FIRRM: variants seen among roughly 807,000 people sequenced by gnomAD.
FIRRM encodes FIGNL1-interacting regulator of recombination and mitosis.
the FIRRM span, among the ~76,000 whole-genome samples, chr1:169,835,137 G>A: frequency 1.3e-5 from 2 of 152,068 alleles, no homozygotes; most frequent in African/African-American, 4.8e-5. Context: ...CATACAAGAT[G>A]GTGTCTTTTT....
the FIRRM span, among the ~76,000 whole-genome samples, chr1:169,785,717 C>A: frequency 6.6e-6 from 1 of 152,060 alleles, no homozygotes; most frequent in Admixed American, 6.6e-5. Context: ...CAAAAGGGAA[C>A]TTTTTAGGTG....
the FIRRM span, among the ~76,000 whole-genome samples, chr1:169,797,510 GGAAT>G: frequency 1.3e-5 from 2 of 152,156 alleles, no homozygotes; most frequent in Non-Finnish European, 2.9e-5. Context: ...TTTCGGAAGA[GGAAT>G]GAATTCTTGT....
At chr1:169,801,682 A>G in the FIRRM span, among the ~76,000 whole-genome samples, 2 of 151,640 alleles carry the variant, frequency 1.3e-5, no homozygotes, top group Non-Finnish European at 2.9e-5. Context: ...AGAATACATT[A>G]TTACATTTTA....
the FIRRM span, chr1:169,827,313 C>A: frequency 3.3e-6 from 3 of 899,108 alleles, no homozygotes; most frequent in Non-Finnish European, 3.3e-6. Context: ...GTTTCTTTTA[C>A]TTTCTTTTCT....
the FIRRM span, chr1:169,847,818 C>A: frequency 6.7e-7 from 1 of 1,487,746 alleles, no homozygotes; most frequent in Non-Finnish European, 9.4e-7. Context: ...TATTGCTTAA[C>A]TCTGTTCTTG....
At chr1:169,838,738 C>T in the FIRRM span, among the ~76,000 whole-genome samples, 2 of 152,196 alleles carry the variant, frequency 1.3e-5, no homozygotes, top group Non-Finnish European at 2.9e-5. Context: ...GATCTGTCCA[C>T]CTCGGTCTCC....
At chr1:169,784,283 C>G in the FIRRM span, among the ~76,000 whole-genome samples, 1 of 152,188 alleles carries the variant, frequency 6.6e-6, no homozygotes, top group Non-Finnish European at 1.5e-5. Flanking sequence ...TCCTTGCACT[C>G]TTGCCAACCC....
chr1:169,807,946 T>C, the FIRRM span: 3 of 1,597,112 alleles, frequency 1.9e-6, no homozygotes, highest in Non-Finnish European at 1.7e-6. Flanking sequence ...TTTGGGCTAA[T>C]AGCATTTTAA....
chr1:169,801,390 A>C, the FIRRM span, among the ~76,000 whole-genome samples: 5 of 143,784 alleles, frequency 3.5e-5, no homozygotes, highest in East Asian at 8.7e-4. Context: ...GGTTGCATTG[A>C]GTCAAGATCG....
At chr1:169,810,299 A>G in the FIRRM span, among the ~76,000 whole-genome samples, 6 of 152,240 alleles carry the variant, frequency 3.9e-5, no homozygotes, top group African/African-American at 1.2e-4. Context: ...TACACTATTT[A>G]TAGAAGCATG....
the FIRRM span, chr1:169,794,798 T>G: frequency 3.0e-6 from 1 of 331,592 alleles, no homozygotes; most frequent in Non-Finnish European, 5.8e-6. Context: ...GAATGTAATG[T>G]TTACAGTGAT....
At chr1:169,806,071 T>G in the FIRRM span, 8 of 1,592,350 alleles carry the variant, frequency 5.0e-6, no homozygotes, top group Non-Finnish European at 6.8e-6. Flanking sequence ...ATGCCAATAC[T>G]TGGAAGTTTA....
At chr1:169,787,625 T>C in the FIRRM span, among the ~76,000 whole-genome samples, 1 of 152,232 alleles carries the variant, frequency 6.6e-6, no homozygotes, top group Non-Finnish European at 1.5e-5. Flanking sequence ...CCCATTGCCA[T>C]GGTCCCTATA....
the FIRRM span, among the ~76,000 whole-genome samples, chr1:169,790,587 T>G: frequency 4.6e-5 from 7 of 152,170 alleles, no homozygotes. Flanking sequence ...GAAATGAGAT[T>G]GTGTCCTGAG....
At chr1:169,826,033 A>G in the FIRRM span, 1 of 271,382 alleles carries the variant, frequency 3.7e-6, no homozygotes, top group Non-Finnish European at 7.8e-6. Flanking sequence ...ACTGAGTATT[A>G]ATTCATAGTA....
chr1:169,850,200 C>T, the FIRRM span: 1 of 1,068,984 alleles, frequency 9.4e-7, no homozygotes, highest in Non-Finnish European at 1.4e-6. Flanking sequence ...TCATAAAACT[C>T]ATCTATTTGT....
chr1:169,807,747 G>T, the FIRRM span: 1 of 1,505,108 alleles, frequency 6.6e-7, no homozygotes, highest in Non-Finnish European at 8.9e-7. Flanking sequence ...GTTACTTGAT[G>T]TGTTACTTGT....
chr1:169,795,761 TC>T, the FIRRM span: 2 of 985,382 alleles, frequency 2.0e-6, no homozygotes, highest in Non-Finnish European at 2.4e-6. Flanking sequence ...TTTTCCTCCT[TC>T]CCCTCTCAGA....
the FIRRM span, chr1:169,804,165 T>A: frequency 6.2e-7 from 1 of 1,600,316 alleles, no homozygotes; most frequent in Non-Finnish European, 8.5e-7. Context: ...TCAAAAGCAG[T>A]TAATGGAACT....
Sources: allele counts gnomAD v4.1 joint callset (sites outside exome capture counted in the v4.1 genomes callset), GRCh38; gene constraint gnomAD v4.1.1; transcripts MANE v1.5; gene names NCBI Gene and HGNC (gene_info 2026-07-23, HGNC 2026-07-21).